Variants in HDX observed in about 807,000 individuals in gnomAD.
HDX encodes chromosome X open reading frame 43.
Under a neutral mutation model 45.2 loss-of-function variants are expected in HDX, and 19 were observed. The ratio of observed to expected loss-of-function variants is 0.42; its 90% CI spans 0.29 to 0.62. The LOEUF is 0.62. Among genes scored for constraint, HDX ranks in the 20% least tolerant of loss-of-function variants. The pLI is 0.20. For synonymous variants in HDX, 188 were observed against 172.8 expected (o/e 1.09, Z -0.69); for missense variants, 532 against 493.9 (o/e 1.08, Z -0.73).
At chrX:84,386,910 T>C (rs2038333587) in intron 5 of HDX, among the ~76,000 whole-genome samples, 2 of 111,581 alleles carry the variant, frequency 1.8e-5, no homozygotes, top group South Asian at 7.5e-4. Context: ...TTCTTTTTTT[T>C]CCCTAGTTCC....
intron 4 of HDX, 50 bp downstream of exon 4, chrX:84,468,422 G>A: frequency 1.2e-6 from 1 of 812,860 alleles, no homozygotes; most frequent in Non-Finnish European, 1.7e-6. Flanking sequence ...AAATCTAACT[G>A]GATACACACA....
At chrX:84,392,750 G>C (rs185292063) in intron 5 of HDX, among the ~76,000 whole-genome samples, 2 of 107,794 alleles carry the variant, frequency 1.9e-5, no homozygotes, top group East Asian at 5.8e-4. Flanking sequence ...ACTGACTTTC[G>C]TATCCTGATT....
intron 4 of HDX, among the ~76,000 whole-genome samples, chrX:84,466,211 C>T (rs1301855668): frequency 1.8e-5 from 2 of 112,246 alleles, no homozygotes; most frequent in African/African-American, 6.5e-5. Context: ...CATAGACTAG[C>T]AGAGTTTCAT....
intron 1 of HDX, among the ~76,000 whole-genome samples, chrX:84,489,929 C>A (rs1301952803): frequency 8.9e-6 from 1 of 111,868 alleles, no homozygotes; most frequent in East Asian, 2.8e-4. Flanking sequence ...CTGAAGATTT[C>A]TTTTAAGGAA....
chrX:84,405,268 C>T (rs911495602), intron 5 of HDX, among the ~76,000 whole-genome samples: 3 of 110,103 alleles, frequency 2.7e-5, no homozygotes, highest in Admixed American at 2.0e-4. Flanking sequence ...TCTCTAAAGT[C>T]CTAACTAAAT....
intron 5 of HDX, among the ~76,000 whole-genome samples, chrX:84,362,917 T>C: frequency 8.9e-6 from 1 of 111,817 alleles, no homozygotes; most frequent in Middle Eastern, 4.6e-3. Context: ...GTTACAAGCT[T>C]TTGAATAGTA....
intron 4 of HDX, among the ~76,000 whole-genome samples, chrX:84,445,862 A>G (rs766947413): frequency 8.9e-6 from 1 of 111,755 alleles, no homozygotes; most frequent in East Asian, 2.8e-4. Flanking sequence ...TGCTTAGAAA[A>G]CTATTAGCCT....
At chrX:84,467,958 T>C (rs1485630625) in intron 4 of HDX, among the ~76,000 whole-genome samples, 1 of 112,036 alleles carries the variant, frequency 8.9e-6, no homozygotes, top group East Asian at 2.8e-4. Context: ...TCACTTAATG[T>C]TTTAATAAAG....
chrX:84,408,728 T>C (rs1418708957), intron 5 of HDX, among the ~76,000 whole-genome samples: 1 of 109,992 alleles, frequency 9.1e-6, no homozygotes, highest in Non-Finnish European at 1.9e-5. Flanking sequence ...TTGTGTCATC[T>C]CTGGTATCTT....
chrX:84,398,484 T>TACATAATGGTAAAGGCATC (rs1415070445), intron 5 of HDX, among the ~76,000 whole-genome samples: 9 of 111,902 alleles, frequency 8.0e-5, no homozygotes, highest in Admixed American at 3.8e-4. Context: ...AGAAAGGCAT[T>TACATAATGGTAAAGGCATC]ACATAATGGT....
intron 5 of HDX, among the ~76,000 whole-genome samples, chrX:84,409,033 A>G (rs1361446010): frequency 1.8e-5 from 2 of 111,218 alleles, no homozygotes; most frequent in East Asian, 5.7e-4. Flanking sequence ...CAAGAAAGAA[A>G]CAAACAACCC....
intron 2 of HDX, among the ~76,000 whole-genome samples, chrX:84,475,856 G>A (rs2040539437): frequency 9.0e-6 from 1 of 111,321 alleles, no homozygotes; most frequent in Admixed American, 9.6e-5. Context: ...ACAAAAGGGT[G>A]CGTTTATTTT....
intron 6 of HDX, among the ~76,000 whole-genome samples, chrX:84,346,107 C>T (rs187482341): frequency 1.8e-5 from 2 of 110,551 alleles, no homozygotes; most frequent in African/African-American, 3.3e-5. Context: ...CTTAACACTG[C>T]TCAAAAAAAG....
chrX:84,466,995 G>C (rs1271007198), intron 4 of HDX, among the ~76,000 whole-genome samples: 1 of 111,403 alleles, frequency 9.0e-6, no homozygotes, highest in Non-Finnish European at 1.9e-5. Flanking sequence ...CAACACTGAA[G>C]GGGTAAAGAA....
intron 5 of HDX, among the ~76,000 whole-genome samples, chrX:84,435,792 G>C (rs1297730621): frequency 9.4e-6 from 1 of 106,498 alleles, no homozygotes; most frequent in Non-Finnish European, 1.9e-5. Flanking sequence ...GTGCTGGAGA[G>C]GATGTGGAGA....
At chrX:84,431,912 A>G (rs6616945) in intron 5 of HDX, among the ~76,000 whole-genome samples, 7,793 of 111,068 alleles carry the variant, frequency 0.07, 431 homozygotes, top group East Asian at 0.42. Context: ...GTCTTTGCTC[A>G]GTCCTATGTA....
chrX:84,483,757 T>A (rs1194402724), intron 2 of HDX, among the ~76,000 whole-genome samples: 1 of 112,494 alleles, frequency 8.9e-6, no homozygotes, highest in Non-Finnish European at 1.9e-5. Flanking sequence ...TTTCACTGCA[T>A]CATCAGGCTG....
At chrX:84,498,469 CTAGA>C (rs768522750) in intron 1 of HDX, among the ~76,000 whole-genome samples, 2 of 111,180 alleles carry the variant, frequency 1.8e-5, no homozygotes, top group Non-Finnish European at 3.8e-5. Context: ...ACTAGTGTAC[CTAGA>C]TATAGTGTAC....
chrX:84,472,556 C>T (rs1265341039), intron 3 of HDX, among the ~76,000 whole-genome samples: 1 of 111,464 alleles, frequency 9.0e-6, no homozygotes, highest in African/African-American at 3.3e-5. Context: ...GTTCACTAAA[C>T]ATTGCTCACT....
Sources: allele counts gnomAD v4.1 joint callset (sites outside exome capture counted in the v4.1 genomes callset), GRCh38; gene constraint gnomAD v4.1.1; transcripts MANE v1.5; gene names NCBI Gene and HGNC (gene_info 2026-07-23, HGNC 2026-07-21).